The following DOCK10 variants were observed in gnomAD, a reference collection of about 807,000 sequenced individuals.
DOCK10 encodes dedicator of cytokinesis protein 10.
DOCK10 carries 145 observed loss-of-function variants against 280.1 expected under a neutral mutation model. That is an observed-to-expected ratio of 0.52 (90% CI 0.45 to 0.59). The LOEUF (loss-of-function observed/expected upper bound fraction) is 0.59, where lower values mean the gene tolerates loss of function less well. Among genes scored for constraint, DOCK10 ranks in the 20% least tolerant of loss-of-function variants. The pLI is 0.00. For missense variants in DOCK10, 2,368 were observed against 2,651.7 expected, an observed-to-expected ratio of 0.89 and a Z score of 2.35; for synonymous variants, 915 against 942.2, an observed-to-expected ratio of 0.97 and a Z score of 0.53.
intron 1 of DOCK10, among the ~76,000 whole-genome samples, chr2:224,980,329 C>A (rs767020851): frequency 1.1e-4 from 17 of 152,198 alleles, no homozygotes; most frequent in Admixed American, 9.2e-4. Context: ...AATTTTCAAA[C>A]CACCATCTTG....
chr2:224,870,617 T>C lies in DOCK10; in HGVS notation c.1257+3379A>G, dbSNP rs149137791. ...TCTTGGTTTCATGATACAGTATTCC[T>C]TGGTTTATCTTTATCCCAACAGCCA... On this transcript the variant is annotated intron_variant, in intron 11 of 55. Transcript: ENST00000258390. Among the ~76,000 whole-genome samples the C allele has an allele frequency of 2.3e-4, 35 of 152,202 alleles. No individual in the cohort carries two copies. In the East Asian group the frequency reaches 5.6e-3, roughly 24 times the overall value.
chr2:224,898,696 C>T (rs957112790), intron 3 of DOCK10, among the ~76,000 whole-genome samples: 10 of 152,192 alleles, frequency 6.6e-5, no homozygotes, highest in African/African-American at 2.2e-4. Flanking sequence ...CCTGCCTCCG[C>T]CTCCGGAGTA....
At chr2:224,804,772 T>C (rs1465240267) in intron 38 of DOCK10, 22 bp downstream of exon 38, 12 of 1,437,416 alleles carry the variant, frequency 8.3e-6, no homozygotes, top group African/African-American at 1.5e-5. Flanking sequence ...CAGATTAACC[T>C]ATTGGAATTT....
chr2:224,765,668 T>A lies in DOCK10; in HGVS notation c.*53A>T, dbSNP rs1690041774. 8.0e-7 allele frequency: 1 copy of A among 1,250,456 alleles called. No individual in the cohort carries two copies. The highest frequency in any genetic ancestry group is 1.2e-6 in the Non-Finnish European group (1 of 868,146). The allele number at this position is 1,250,456 out of a possible 1,614,324, so 77.5% of individuals were successfully genotyped here. On this transcript the variant is annotated 3_prime_UTR_variant, in exon 56 of 56. Transcript: ENST00000258390. ...AACCTATCTTTCTCTTCCCCGAGAT[T>A]AGCTGCAAATTCAGAAAGTTCTCTT...
intron 2 of DOCK10, among the ~76,000 whole-genome samples, chr2:224,918,246 T>C (rs1022611008): frequency 7.9e-5 from 12 of 152,196 alleles, no homozygotes; most frequent in Non-Finnish European, 1.5e-5. Context: ...GATACCTAAA[T>C]GATTCTTTGT....
In DOCK10 at chr2:224,765,690, T is replaced by A; in HGVS notation, c.*31A>T. 1 of 1,447,328 alleles carries A rather than the reference T, an allele frequency of 6.9e-7. No individual in the cohort carries two copies. The highest frequency in any genetic ancestry group is 1.7e-4 in the Middle Eastern group (1 of 5,718). 89.7% of individuals were successfully genotyped at this position (1,447,328 alleles called of 1,614,324 possible). ...GATTAGCTGCAAATTCAGAAAGTTC[T>A]CTTAGAGGTGGGTCTGATGCTGCAG... On this transcript the variant is annotated 3_prime_UTR_variant, in exon 56 of 56. Transcript: ENST00000258390.
intron 11 of DOCK10, among the ~76,000 whole-genome samples, chr2:224,870,123 T>C (rs1698174958): frequency 6.6e-6 from 1 of 152,168 alleles, no homozygotes; most frequent in South Asian, 2.1e-4. Flanking sequence ...GTTCTCATGA[T>C]AGTGAGTGAG....
intron 1 of DOCK10, among the ~76,000 whole-genome samples, chr2:224,948,800 T>C (rs1189295862): frequency 1.3e-5 from 2 of 152,252 alleles, no homozygotes; most frequent in African/African-American, 4.8e-5. Context: ...CTTAAATTTC[T>C]GAATCACAGT....
rs1698627651 is a variant in DOCK10 at position 224,876,336 on chromosome 2, T to C, written c.748-115A>G. On this transcript the variant is annotated intron_variant, in intron 7 of 55. Transcript: ENST00000258390. Reference sequence around the variant, plus strand: ...AGTCTTTCCATACAGATAGATAACATAAAGAAAATTTTCCAGAACAAGACA... The same window carrying C: ...AGTCTTTCCATACAGATAGATAACACAAAGAAAATTTTCCAGAACAAGACA... 1.4e-5 allele frequency: 13 copies of C among 922,494 alleles called. 1 individual carries two copies. The highest frequency in any genetic ancestry group is 7.8e-5 in the South Asian group (4 of 51,012). 57.1% of individuals were successfully genotyped at this position (922,494 alleles called of 1,614,324 possible).
intron 3 of DOCK10, among the ~76,000 whole-genome samples, chr2:224,908,414 T>TG (rs1491188676): frequency 9.4e-4 from 97 of 103,104 alleles, no homozygotes; most frequent in African/African-American, 3.2e-3. Context: ...ATCATCATCG[T>TG]TTGTGTGTGT....
intron 19 of DOCK10, among the ~76,000 whole-genome samples, chr2:224,846,290 T>A (rs904501846): frequency 6.6e-6 from 1 of 152,156 alleles, no homozygotes; most frequent in African/African-American, 2.4e-5. Flanking sequence ...AAGACACACA[T>A]CAAGGAACTG....
intron 1 of DOCK10, among the ~76,000 whole-genome samples, chr2:225,004,008 G>C (rs1198765709): frequency 6.6e-6 from 1 of 152,164 alleles, no homozygotes; most frequent in Non-Finnish European, 1.5e-5. Flanking sequence ...AACATTTCTT[G>C]ACTGTGTCGT....
At chr2:224,810,403 T>C (rs1693681798) in intron 31 of DOCK10, among the ~76,000 whole-genome samples, 1 of 152,136 alleles carries the variant, frequency 6.6e-6, no homozygotes, top group Non-Finnish European at 1.5e-5. Context: ...ATGAATAAAT[T>C]GTGGAGGTCA....
chr2:224,795,231 A>G, intron 44 of DOCK10, 137 bp from the exon 45 acceptor site: 1 of 693,252 alleles, frequency 1.4e-6, no homozygotes, highest in South Asian at 1.9e-5. Flanking sequence ...TGCATTCTAT[A>G]TATGTGCATT....
chr2:224,851,436 C>G (rs1255715085), intron 18 of DOCK10, among the ~76,000 whole-genome samples: 1 of 144,724 alleles, frequency 6.9e-6, no homozygotes, highest in Non-Finnish European at 1.5e-5. Context: ...CTGACAGTGG[C>G]TCAAGACCTT....
intron 7 of DOCK10, among the ~76,000 whole-genome samples, chr2:224,876,704 C>T (rs978400255): frequency 6.6e-6 from 1 of 152,282 alleles, no homozygotes; most frequent in African/African-American, 2.4e-5. Context: ...AGAATTAACA[C>T]AATGGCCACT....
intron 1 of DOCK10, among the ~76,000 whole-genome samples, chr2:225,008,129 C>T (rs1481756654): frequency 3.3e-5 from 5 of 152,090 alleles, no homozygotes; most frequent in Admixed American, 3.3e-4. Flanking sequence ...AAAAGCTGTA[C>T]CAAACATGGG....
At chr2:224,844,901 TGTTTA>T in intron 21 of DOCK10, 62 bp from the exon 22 acceptor site, 3 of 1,211,064 alleles carry the variant, frequency 2.5e-6, no homozygotes, top group Non-Finnish European at 3.6e-6. Flanking sequence ...ATAAATAGAT[TGTTTA>T]GTTTATGTTA....
chr2:224,990,521 C>T (rs777790130), intron 1 of DOCK10, among the ~76,000 whole-genome samples: 1 of 151,924 alleles, frequency 6.6e-6, no homozygotes, highest in African/African-American at 2.4e-5. Context: ...CTAATTATTA[C>T]TGGAAAAGAG....
Sources: gnomAD v4.1 joint callset for allele counts (sites outside exome capture counted in the v4.1 genomes callset) on GRCh38, gnomAD v4.1.1 for gene constraint, MANE v1.5 for transcripts, NCBI Gene and HGNC (gene_info 2026-07-23, HGNC 2026-07-21) for gene names.